The following DDHD1 variants were observed in gnomAD, a reference collection of about 807,000 sequenced individuals.
The protein encoded by DDHD1 is DDHD domain containing 1, also known as phospholipase DDHD1.
In DDHD1, 49 loss-of-function variants were observed where a neutral mutation model predicts 96.4. The ratio of observed to expected loss-of-function variants is 0.51; its 90% CI spans 0.40 to 0.64. The LOEUF is 0.64. Ranked by LOEUF, DDHD1 falls within the 30% of genes least tolerant of loss-of-function variation. The probability of loss-of-function intolerance (pLI) is 0.00; values close to 1 mark genes in which losing one functional copy is unlikely to be tolerated. For missense variants in DDHD1, 1,106 were observed against 1,161.2 expected, an observed-to-expected ratio of 0.95 and a Z score of 0.69; for synonymous variants, 442 against 446.5, an observed-to-expected ratio of 0.99 and a Z score of 0.13.
chr14:53,109,909 C>T (rs1056853281), intron 1 of DDHD1, among the ~76,000 whole-genome samples: 10 of 152,114 alleles, frequency 6.6e-5, no homozygotes, highest in African/African-American at 9.7e-5. Context: ...AATGCATTTT[C>T]AGCTCTCATT....
chr14:53,127,151 G>C (rs1889513795), intron 1 of DDHD1, among the ~76,000 whole-genome samples: 1 of 152,144 alleles, frequency 6.6e-6, no homozygotes, highest in Admixed American at 6.5e-5. Flanking sequence ...AATTTATTTA[G>C]AAAATCATCA....
intron 1 of DDHD1, among the ~76,000 whole-genome samples, chr14:53,126,579 GA>G (rs1405746949): frequency 1.3e-5 from 2 of 152,016 alleles, no homozygotes; most frequent in Non-Finnish European, 2.9e-5. Context: ...TGTTATCCAG[GA>G]TGCTCTTGAA....
intron 12 of DDHD1, among the ~76,000 whole-genome samples, chr14:53,047,338 G>A (rs1219599647): frequency 2.6e-5 from 4 of 152,176 alleles, no homozygotes; most frequent in African/African-American, 9.7e-5. Flanking sequence ...AGGCTTGCAT[G>A]CAATGATGCC....
intron 2 of DDHD1, chr14:53,103,163 T>A (rs1887437725): frequency 9.8e-7 from 1 of 1,023,842 alleles, no homozygotes; most frequent in South Asian, 1.7e-5. Context: ...TATACAGTAT[T>A]TTGAACTGTT....
intron 6 of DDHD1, among the ~76,000 whole-genome samples, chr14:53,063,715 T>C (rs1184328760): frequency 1.3e-5 from 2 of 152,046 alleles, no homozygotes; most frequent in African/African-American, 2.4e-5. Flanking sequence ...GGCCACTGAA[T>C]GATTGAAGAA....
At chr14:53,119,383 G>T (rs1159687633) in intron 1 of DDHD1, among the ~76,000 whole-genome samples, 1 of 152,178 alleles carries the variant, frequency 6.6e-6, no homozygotes, top group Non-Finnish European at 1.5e-5. Flanking sequence ...TGGATAAAGA[G>T]TCAAGGTACC....
chr14:53,151,475 C>G (rs1891362779), intron 1 of DDHD1, among the ~76,000 whole-genome samples: 1 of 152,224 alleles, frequency 6.6e-6, no homozygotes, highest in South Asian at 2.1e-4. Context: ...CTAATAAATA[C>G]TGTTAACACT....
intron 1 of DDHD1, among the ~76,000 whole-genome samples, chr14:53,120,878 C>T (rs560044348): frequency 6.6e-6 from 1 of 152,276 alleles, no homozygotes; most frequent in South Asian, 2.1e-4. Flanking sequence ...CCATTCAGGA[C>T]ATAGGCATGG....
chr14:53,139,097 C>T (rs1302293188), intron 1 of DDHD1, among the ~76,000 whole-genome samples: 1 of 145,802 alleles, frequency 6.9e-6, no homozygotes, highest in Non-Finnish European at 1.5e-5. Context: ...AAAACCACAC[C>T]CACACCCACA....
chr14:53,143,985 T>C (rs1049619758), intron 1 of DDHD1, among the ~76,000 whole-genome samples: 1 of 152,224 alleles, frequency 6.6e-6, no homozygotes, highest in African/African-American at 2.4e-5. Context: ...ATTATAGGTC[T>C]TTCCATAAAA....
intron 4 of DDHD1, 119 bp downstream of exon 4, chr14:53,091,666 A>T (rs1260994433): frequency 9.4e-7 from 1 of 1,065,722 alleles, no homozygotes; most frequent in East Asian, 2.4e-5. Flanking sequence ...AAGAGGTATT[A>T]GAATAGTTGG....
intron 1 of DDHD1, among the ~76,000 whole-genome samples, chr14:53,138,838 T>A (rs1224435896): frequency 1.3e-5 from 2 of 152,120 alleles, no homozygotes; most frequent in Non-Finnish European, 2.9e-5. Context: ...CCACAGATAT[T>A]ACCAGGAACT....
chr14:53,084,897 T>C (rs58169755), intron 4 of DDHD1, among the ~76,000 whole-genome samples: 3 of 152,092 alleles, frequency 2.0e-5, no homozygotes, highest in Non-Finnish European at 4.4e-5. Context: ...CAGACTGTAA[T>C]GGGAAAATCG....
intron 1 of DDHD1, among the ~76,000 whole-genome samples, chr14:53,133,642 C>T (rs1361028103): frequency 2.0e-5 from 3 of 152,168 alleles, no homozygotes; most frequent in Non-Finnish European, 4.4e-5. Flanking sequence ...CCTCGGGATG[C>T]TACAGGGTAC....
intron 1 of DDHD1, among the ~76,000 whole-genome samples, chr14:53,136,914 A>T (rs1890278598): frequency 6.6e-6 from 1 of 152,252 alleles, no homozygotes; most frequent in South Asian, 2.1e-4. Flanking sequence ...TATCCAAAGA[A>T]GCATGAAAAT....
intron 7 of DDHD1, chr14:53,061,432 C>CT (rs1046779436): frequency 1.0e-5 from 4 of 382,394 alleles, no homozygotes; most frequent in African/African-American, 8.3e-5. Context: ...CTGTTAACAG[C>CT]TTTTTTGTAG....
At chr14:53,093,276 C>T (rs751774117) in intron 3 of DDHD1, 40 bp downstream of exon 3, 7 of 1,570,640 alleles carry the variant, frequency 4.5e-6, no homozygotes, top group East Asian at 2.3e-5. Flanking sequence ...AAGTCAGATT[C>T]CCAAAATTTT....
intron 1 of DDHD1, among the ~76,000 whole-genome samples, chr14:53,104,773 TAAAATA>T (rs148243336): frequency 0.015 from 2,224 of 151,782 alleles, 52 homozygotes; most frequent in African/African-American, 0.052. Flanking sequence ...AAAGCAAAAA[TAAAATA>T]AAAATAACAA....
At chr14:53,073,564 C>G (rs914880342) in intron 5 of DDHD1, among the ~76,000 whole-genome samples, 177 bp downstream of exon 5, 8 of 151,986 alleles carry the variant, frequency 5.3e-5, no homozygotes, top group African/African-American at 1.7e-4. Context: ...TATAATTATT[C>G]TAGAAATCAA....
Sources: gnomAD v4.1 joint callset for allele counts (sites outside exome capture counted in the v4.1 genomes callset) on GRCh38, gnomAD v4.1.1 for gene constraint, MANE v1.5 for transcripts, NCBI Gene and HGNC (gene_info 2026-07-23, HGNC 2026-07-21) for gene names.